TANK: variants seen among roughly 807,000 people sequenced by gnomAD.
TANK encodes TRAF family member-associated NF-kappa-B activator.
A neutral mutation model predicts 43.6 loss-of-function variants in TANK; 15 were observed. The observed-to-expected ratio is 0.34, with a 90% CI of 0.23 to 0.53. The LOEUF (loss-of-function observed/expected upper bound fraction) is 0.53, where lower values mean the gene tolerates loss of function less well. Ranked by LOEUF, TANK falls within the 20% of genes least tolerant of loss-of-function variation. TANK has a pLI of 0.94. For missense variants in TANK, 417 were observed against 498.6 expected (o/e 0.84, Z 1.56); for synonymous variants, 162 against 178.2 (o/e 0.91, Z 0.73).
chr2:161,235,425 A>G lies in TANK; in HGVS notation c.1185A>G (p.Val395=). 6.2e-7 allele frequency: 1 copy of G among 1,614,020 alleles called. No homozygotes were observed. The highest frequency in any genetic ancestry group is 1.1e-5 in the South Asian group (1 of 91,074). The change falls in exon 8 of 8, where the codon GTA becomes GTG. Residue 395 remains valine (V), a synonymous_variant. Transcript: ENST00000392749. Reference sequence around the variant, plus strand: ...ACTCAGAACTGCATATACCTCGAGTATGTGAATTCTGTCAAGCAGTTTTCC... The same window carrying G: ...ACTCAGAACTGCATATACCTCGAGTGTGTGAATTCTGTCAAGCAGTTTTCC... ...GTDSELHIPR[V]CEFCQAVFPP...
At chr2:161,191,179 G>T (rs1042868819) in intron 2 of TANK, among the ~76,000 whole-genome samples, 5 of 152,146 alleles carry the variant, frequency 3.3e-5, no homozygotes, top group Non-Finnish European at 7.3e-5. Flanking sequence ...ATTCTGTTCA[G>T]GAAAGACATC....
intron 4 of TANK, among the ~76,000 whole-genome samples, chr2:161,216,012 G>A (rs1687101409): frequency 6.6e-6 from 1 of 152,008 alleles, no homozygotes; most frequent in Non-Finnish European, 1.5e-5. Context: ...TCCCTGATAA[G>A]TCCCTTTTGG....
intron 3 of TANK, among the ~76,000 whole-genome samples, chr2:161,204,423 G>C (rs1574032953): frequency 6.6e-6 from 1 of 152,256 alleles, no homozygotes; most frequent in Middle Eastern, 3.4e-3. Flanking sequence ...CATATTTCTA[G>C]TTTTCTAAAT....
At chr2:161,215,833 C>T (rs1687092526) in intron 4 of TANK, among the ~76,000 whole-genome samples, 1 of 152,104 alleles carries the variant, frequency 6.6e-6, no homozygotes, top group African/African-American at 2.4e-5. Context: ...CAGTGTCTTG[C>T]TATGTTACGA....
intron 2 of TANK, among the ~76,000 whole-genome samples, chr2:161,181,250 G>A (rs1031256487): frequency 3.9e-5 from 6 of 151,976 alleles, no homozygotes; most frequent in Non-Finnish European, 8.8e-5. Flanking sequence ...GTGAAACCCC[G>A]TCTCTACTGA....
intron 1 of TANK, among the ~76,000 whole-genome samples, chr2:161,148,626 T>C (rs549321450): frequency 6.6e-6 from 1 of 152,340 alleles, no homozygotes; most frequent in East Asian, 1.9e-4. Context: ...CTTGTGTTTG[T>C]CTAAGTGTGC....
Position 161,235,571 on chromosome 2 carries a change from A to G in TANK, c.*53A>G, listed in dbSNP as rs1688139660. The stretch of plus-strand genomic sequence containing the variant: ...TTCTATGTGATGATTTTGGGTTTTT[A>G]ATACTATAAATACTTGATTGTAAAC... On this transcript the variant is annotated 3_prime_UTR_variant, in exon 8 of 8. Coordinates refer to ENST00000392749, the MANE Select transcript of TANK (RefSeq NM_001199135.3). 1 of 1,318,444 alleles carries G rather than the reference A, an allele frequency of 7.6e-7. No homozygotes were observed. The allele number at this position is 1,318,444 out of a possible 1,614,324, so 81.7% of individuals were successfully genotyped here.
chr2:161,184,831 G>A (rs1685585229), intron 2 of TANK, among the ~76,000 whole-genome samples: 1 of 152,190 alleles, frequency 6.6e-6, no homozygotes, highest in African/African-American at 2.4e-5. Context: ...GAGGCTTATA[G>A]GTGAAAATGC....
chr2:161,180,072 A>G (rs1685352346), intron 2 of TANK: 2 of 1,025,640 alleles, frequency 1.9e-6, no homozygotes, highest in Non-Finnish European at 2.3e-6. Flanking sequence ...CTATAAAAAC[A>G]GTTTTATGAC....
intron 1 of TANK, among the ~76,000 whole-genome samples, chr2:161,143,243 A>G (rs1683804218): frequency 6.6e-6 from 1 of 152,176 alleles, no homozygotes; most frequent in Non-Finnish European, 1.5e-5. Context: ...GGGGTTTTCT[A>G]AATATAGACT....
intron 6 of TANK, among the ~76,000 whole-genome samples, chr2:161,226,532 A>G (rs1042260734): frequency 6.6e-6 from 1 of 152,152 alleles, no homozygotes; most frequent in Admixed American, 6.5e-5. Context: ...ATATAGAAGA[A>G]CTATTTTGAA....
At chr2:161,200,745 C>T (rs1416371440) in intron 2 of TANK, among the ~76,000 whole-genome samples, 5 of 151,028 alleles carry the variant, frequency 3.3e-5, no homozygotes, top group African/African-American at 1.2e-4. Context: ...AGCATTCCTC[C>T]ATTCCTTCAG....
chr2:161,160,252 G>T, upstream of TANK: 1 of 401,298 alleles, frequency 2.5e-6, no homozygotes, highest in Non-Finnish European at 4.3e-6. Flanking sequence ...ACTTGGCTGG[G>T]CAGGGCTGGG....
intron 4 of TANK, among the ~76,000 whole-genome samples, chr2:161,211,433 A>G (rs1214381902): frequency 1.3e-5 from 2 of 152,160 alleles, no homozygotes; most frequent in Non-Finnish European, 2.9e-5. Context: ...AAGTTGCTGT[A>G]TGTTGTCCAG....
intron 2 of TANK, among the ~76,000 whole-genome samples, chr2:161,194,599 T>C (rs1352871231): frequency 6.6e-6 from 1 of 152,206 alleles, no homozygotes; most frequent in African/African-American, 2.4e-5. Flanking sequence ...CTAATGTTTT[T>C]CTGACAATAA....
intron 2 of TANK, among the ~76,000 whole-genome samples, chr2:161,198,536 G>A (rs115156638): frequency 8.2e-4 from 125 of 152,318 alleles, no homozygotes; most frequent in African/African-American, 2.9e-3. Context: ...CTCTGCATTG[G>A]CCTCACTCCC....
At chr2:161,223,870 G>T in intron 4 of TANK, 45 bp from the exon 5 acceptor site, 1 of 1,277,346 alleles carries the variant, frequency 7.8e-7, no homozygotes, top group Non-Finnish European at 1.1e-6. Context: ...ATTTGAATTT[G>T]GGAGCAATTT....
At chr2:161,233,500 C>G (rs1559013847) in intron 7 of TANK, among the ~76,000 whole-genome samples, 1 of 151,992 alleles carries the variant, frequency 6.6e-6, no homozygotes, top group African/African-American at 2.4e-5. Context: ...ATTTTACTTT[C>G]TATCAATCAT....
intron 1 of TANK, among the ~76,000 whole-genome samples, chr2:161,154,747 CT>C (rs775085021): frequency 2.0e-3 from 294 of 143,528 alleles, no homozygotes; most frequent in Admixed American, 2.7e-3. Flanking sequence ...TAAGCATACA[CT>C]TTTTTTTTTT....
Sources: gnomAD v4.1 joint callset for allele counts (sites outside exome capture counted in the v4.1 genomes callset) on GRCh38, gnomAD v4.1.1 for gene constraint, MANE v1.5 for transcripts, NCBI Gene and HGNC (gene_info 2026-07-23, HGNC 2026-07-21) for gene names.